The following TMEM132D variants were observed in gnomAD, a reference collection of about 807,000 sequenced individuals.
TMEM132D encodes mature OL transmembrane protein.
In TMEM132D, 21 loss-of-function variants were observed where a neutral mutation model predicts 62.3. That is an observed-to-expected ratio of 0.34 (90% CI 0.24 to 0.49). The LOEUF (loss-of-function observed/expected upper bound fraction) is 0.49, where lower values mean the gene tolerates loss of function less well. Ranked by LOEUF, TMEM132D falls within the 20% of genes least tolerant of loss-of-function variation. The pLI, the probability that TMEM132D is intolerant of heterozygous loss-of-function variation, is 0.99. For synonymous variants in TMEM132D, 621 were observed against 575.6 expected, an observed-to-expected ratio of 1.08 and a Z score of -1.13; for missense variants, 1,346 against 1,402.8, an observed-to-expected ratio of 0.96 and a Z score of 0.65.
chr12:129,219,045 A>G (rs1879285212), intron 4 of TMEM132D, among the ~76,000 whole-genome samples: 1 of 152,218 alleles, frequency 6.6e-6, no homozygotes, highest in Non-Finnish European at 1.5e-5. Context: ...CCATGATGTC[A>G]GAAAAACCCT....
At chr12:129,417,156 C>T (rs936315118) in intron 3 of TMEM132D, among the ~76,000 whole-genome samples, 14 of 152,066 alleles carry the variant, frequency 9.2e-5, no homozygotes, top group Admixed American at 2.6e-4. Context: ...TGGTAGAATT[C>T]GGCTGTGAAT....
chr12:129,480,468 G>A (rs754778634), intron 3 of TMEM132D, among the ~76,000 whole-genome samples: 8 of 152,210 alleles, frequency 5.3e-5, no homozygotes, highest in Non-Finnish European at 5.9e-5. Context: ...TCAGCTAGGC[G>A]GTCCTTGGTC....
chr12:129,810,989 G>A (rs961443932), intron 1 of TMEM132D, among the ~76,000 whole-genome samples: 2 of 151,894 alleles, frequency 1.3e-5, no homozygotes, highest in Admixed American at 6.6e-5. Flanking sequence ...CAACAAGGGC[G>A]TCAACACAAC....
chr12:129,221,194 C>T lies in TMEM132D; in HGVS notation c.1300-11531G>A, dbSNP rs1031983408. 5.9e-5 allele frequency among the ~76,000 whole-genome samples: 9 copies of T among 152,298 alleles called. 1 individual carries two copies. The highest frequency in any genetic ancestry group is 2.2e-4 in the African/African-American group (9 of 41,554). On this transcript the variant is annotated intron_variant, in intron 4 of 8. Transcript: ENST00000422113. ...TTCAATTGCCTATTCTTTCTCCTCA[C>T]CTGACACGGCCACCAAGGAGGCTCT...
chr12:129,545,649 C>T (rs767769608), intron 2 of TMEM132D, among the ~76,000 whole-genome samples: 39 of 152,154 alleles, frequency 2.6e-4, no homozygotes, highest in Non-Finnish European at 5.0e-4. Flanking sequence ...GCAACCAACA[C>T]GCTACTCTCT....
intron 5 of TMEM132D, among the ~76,000 whole-genome samples, chr12:129,109,104 T>C (rs769455338): frequency 3.3e-5 from 5 of 152,216 alleles, no homozygotes; most frequent in Admixed American, 1.3e-4. Flanking sequence ...AATTAAGTCC[T>C]TTTAAATAGG....
chr12:129,790,683 G>A (rs1266051128), intron 1 of TMEM132D, among the ~76,000 whole-genome samples: 5 of 152,152 alleles, frequency 3.3e-5, no homozygotes, highest in African/African-American at 1.2e-4. Flanking sequence ...CAGGAAAACA[G>A]GAATGCATGT....
intron 3 of TMEM132D, among the ~76,000 whole-genome samples, chr12:129,456,683 C>T (rs373025265): frequency 9.2e-5 from 14 of 152,290 alleles, no homozygotes; most frequent in East Asian, 5.8e-4. Flanking sequence ...TACCCATAAA[C>T]GGCAGATGGA....
rs529692004 is a variant in TMEM132D, at chr12:129,084,752, C to T, written c.1444-50G>A. ...GGGAGGGAAAGGTGAGCTTTCATCC[C>T]GTTGCATGGCCCAAGGAGGAGGAAA... On this transcript the variant is annotated intron_variant, in intron 5 of 8. Transcript: ENST00000422113. 28 of 1,577,074 alleles carry T rather than the reference C, an allele frequency of 1.8e-5. No homozygotes were observed. The East Asian group carries it at 2.7e-4, about 15-fold the overall frequency.
rs563182407 is a variant in TMEM132D at position 129,477,319 on chromosome 12, T to C, written c.1115+53740A>G. On this transcript the variant is annotated intron_variant, in intron 3 of 8. Transcript: ENST00000422113. ...TCCTTTAAGACCCCCCTCCTCATCC[T>C]GTGTTTTGTAAGCTCAGCATGTTGA... 1.1e-4 allele frequency among the ~76,000 whole-genome samples: 16 copies of C among 152,312 alleles called. No individual in the cohort carries two copies. In the East Asian group the frequency reaches 2.7e-3, roughly 26 times the overall value.
chr12:129,815,280 C>T (rs73438583), intron 1 of TMEM132D, among the ~76,000 whole-genome samples: 1 of 152,146 alleles, frequency 6.6e-6, no homozygotes, highest in Non-Finnish European at 1.5e-5. Context: ...ATCCAGAATG[C>T]ATTGTTGAGT....
intron 3 of TMEM132D, among the ~76,000 whole-genome samples, chr12:129,372,249 C>A (rs1474538582): frequency 6.6e-6 from 1 of 152,190 alleles, no homozygotes; most frequent in Non-Finnish European, 1.5e-5. Context: ...TCTAGAACTG[C>A]AGGAGAGCAA....
intron 1 of TMEM132D, among the ~76,000 whole-genome samples, chr12:129,783,007 C>T (rs1291283300): frequency 6.6e-6 from 1 of 152,200 alleles, no homozygotes; most frequent in Non-Finnish European, 1.5e-5. Context: ...TCTGTTATTT[C>T]TGTAGTAGTC....
At chr12:129,142,472 T>G (rs1288972803) in intron 5 of TMEM132D, among the ~76,000 whole-genome samples, 2 of 152,240 alleles carry the variant, frequency 1.3e-5, no homozygotes, top group Non-Finnish European at 2.9e-5. Context: ...CTGTGTGTTC[T>G]GTCTGCTTGT....
At chr12:129,348,485 C>T (rs1869759731) in intron 3 of TMEM132D, among the ~76,000 whole-genome samples, 1 of 152,004 alleles carries the variant, frequency 6.6e-6, no homozygotes, top group African/African-American at 2.4e-5. Flanking sequence ...TGTTCCCACT[C>T]ATAAGTGGGA....
intron 4 of TMEM132D, among the ~76,000 whole-genome samples, chr12:129,320,425 G>A (rs146198283): frequency 5.8e-4 from 89 of 152,298 alleles, no homozygotes; most frequent in African/African-American, 1.9e-3. Context: ...GGGACACTGT[G>A]CAGGAGACTA....
Position 129,531,051 on chromosome 12 carries a change from G to C in TMEM132D, c.1115+8C>G. The C allele has an allele frequency of 6.2e-7, 1 of 1,609,268 alleles. No homozygotes were observed. The highest frequency in any genetic ancestry group is 2.2e-5 in the East Asian group (1 of 44,780). On this transcript the variant is annotated splice_region_variant and intron_variant, in intron 3 of 8. Transcript: ENST00000422113. The stretch of plus-strand genomic sequence containing the variant: ...ATCTGAATATATCGGAGGCCAGTTG[G>C]GACTCACCTGTTTTCTGAGCCAGCT...
At chr12:129,840,205 T>A (rs1873147073) in intron 1 of TMEM132D, 1 of 152,242 alleles carries the variant, frequency 6.6e-6, no homozygotes, top group Admixed American at 6.5e-5. Flanking sequence ...CTCTTCGTCC[T>A]CTGCAGAACA....
chr12:129,100,918 G>T (rs910952870), intron 5 of TMEM132D, among the ~76,000 whole-genome samples: 1 of 152,222 alleles, frequency 6.6e-6, no homozygotes, highest in Non-Finnish European at 1.5e-5. Flanking sequence ...CTGTCTGGGG[G>T]TCGGTGGCAG....
Sources: allele counts gnomAD v4.1 joint callset (sites outside exome capture counted in the v4.1 genomes callset), GRCh38; gene constraint gnomAD v4.1.1; transcripts MANE v1.5; gene names NCBI Gene and HGNC (gene_info 2026-07-23, HGNC 2026-07-21).